CACHD1: variants seen among roughly 807,000 people sequenced by gnomAD.
CACHD1 encodes the protein cache domain containing 1.
A neutral mutation model predicts 138.7 loss-of-function variants in CACHD1; 71 were observed. The observed-to-expected ratio is 0.51, with a 90% CI of 0.42 to 0.62. The LOEUF is 0.62. CACHD1 is among the 20% of genes least tolerant of loss of function. CACHD1 has a pLI of 0.00. For synonymous variants in CACHD1, 578 were observed against 591.5 expected (o/e 0.98, Z 0.33); for missense variants, 1,389 against 1,625.3 (o/e 0.85, Z 2.50).
chr1:64,617,201 C>G (rs1647745481), intron 4 of CACHD1, among the ~76,000 whole-genome samples: 1 of 151,614 alleles, frequency 6.6e-6, no homozygotes, highest in Non-Finnish European at 1.5e-5. Flanking sequence ...AGCCGCCATG[C>G]AGACCTAGTG....
rs544487397 is a variant in CACHD1 at position 64,473,890 on chromosome 1, G to A, written c.198+2948G>A. Among the ~76,000 whole-genome samples the A allele has an allele frequency of 7.2e-5, 11 of 152,248 alleles. No individual in the cohort carries two copies. The East Asian group carries it at 1.4e-3, about 19-fold the overall frequency. On this transcript the variant is annotated intron_variant, in intron 1 of 26. Coordinates refer to ENST00000651257, the MANE Select transcript of CACHD1 (RefSeq NM_020925.4). ...ACTTACTGCTTATAAGGAGTTGCAAGGGGGTAATTTTACAAAAACAAAAAC... is the reference window on the plus strand; with the variant it reads ...ACTTACTGCTTATAAGGAGTTGCAAAGGGGTAATTTTACAAAAACAAAAAC...
chr1:64,502,930 C>T (rs1256351672), intron 1 of CACHD1, among the ~76,000 whole-genome samples: 1 of 152,160 alleles, frequency 6.6e-6, no homozygotes, highest in Non-Finnish European at 1.5e-5. Context: ...CATTGATCTC[C>T]CTGTATTCCC....
At chr1:64,575,016 T>G (rs1646955948) in intron 2 of CACHD1, among the ~76,000 whole-genome samples, 1 of 152,236 alleles carries the variant, frequency 6.6e-6, no homozygotes, top group Admixed American at 6.5e-5. Flanking sequence ...AGCTTTATCC[T>G]TTTACTTCTA....
At chr1:64,531,074 A>G (rs1214785032) in intron 1 of CACHD1, among the ~76,000 whole-genome samples, 1 of 152,170 alleles carries the variant, frequency 6.6e-6, no homozygotes, top group Non-Finnish European at 1.5e-5. Flanking sequence ...CCAGTTCTAT[A>G]ATACAGCACA....
intron 10 of CACHD1, among the ~76,000 whole-genome samples, chr1:64,652,777 A>G (rs947992623): frequency 3.9e-5 from 6 of 152,220 alleles, no homozygotes; most frequent in African/African-American, 1.4e-4. Context: ...AAAAGGGTAC[A>G]CTTGAATACT....
chr1:64,491,245 CCT>C (rs534816959), intron 1 of CACHD1, among the ~76,000 whole-genome samples: 5 of 149,748 alleles, frequency 3.3e-5, no homozygotes, highest in South Asian at 2.1e-4. Context: ...AGGACTGCTT[CCT>C]CTCTCTCTCT....
chr1:64,515,606 G>A (rs947346861), intron 1 of CACHD1, among the ~76,000 whole-genome samples: 1 of 152,182 alleles, frequency 6.6e-6, no homozygotes, highest in Admixed American at 6.5e-5. Context: ...TTATGCAACA[G>A]CTGTAGTTGT....
chr1:64,623,455 A>G (rs1344299456), intron 4 of CACHD1, among the ~76,000 whole-genome samples: 1 of 74,768 alleles, frequency 1.3e-5, no homozygotes, highest in Admixed American at 1.8e-4. Context: ...TAACACACAA[A>G]CATACAGATC....
At chr1:64,475,168 T>C (rs1180361885) in intron 1 of CACHD1, among the ~76,000 whole-genome samples, 1 of 124,198 alleles carries the variant, frequency 8.1e-6, no homozygotes, top group Non-Finnish European at 1.7e-5. Flanking sequence ...ACTAAATTCC[T>C]TCCTTTTTTT....
In CACHD1 at chr1:64,609,938, C is replaced by T. The variant is rs566052914; in HGVS notation, c.517+7026C>T. On this transcript the variant is annotated intron_variant, in intron 4 of 26. Coordinates refer to ENST00000651257, the MANE Select transcript of CACHD1 (RefSeq NM_020925.4). ...TTATAAAGGAAAGAGGTTTAATTGA[C>T]TCACAGTTCAGCATGGCTGGGGAGG... 1.4e-4 allele frequency among the ~76,000 whole-genome samples: 22 copies of T among 152,234 alleles called. No individual in the cohort carries two copies. The South Asian group carries it at 4.1e-3, about 29-fold the overall frequency.
Position 64,664,696 on chromosome 1 carries a change from T to TC in CACHD1, c.2276+19dup. ...GAGACAATGGTGAGTTTTAGGGGCT[T>TC]CCGTTATCAAAGGTTCTCCCCCAAA... is the stretch of plus-strand genomic sequence containing the variant. On this transcript the variant is annotated intron_variant, in intron 15 of 26. Transcript: ENST00000651257. 6.2e-7 allele frequency: 1 copy of TC among 1,609,162 alleles called. No homozygotes were observed. The highest frequency in any genetic ancestry group is 1.1e-5 in the South Asian group (1 of 90,426).
intron 1 of CACHD1, 134 bp downstream of exon 1, chr1:64,471,076 C>A (rs1412504373): frequency 3.6e-6 from 3 of 829,530 alleles, no homozygotes; most frequent in Non-Finnish European, 5.4e-6. Flanking sequence ...CCCGTCGGAC[C>A]CCTCTGTCCT....
At chr1:64,525,959 A>G (rs932959292) in intron 1 of CACHD1, among the ~76,000 whole-genome samples, 9 of 152,230 alleles carry the variant, frequency 5.9e-5, no homozygotes, top group African/African-American at 1.9e-4. Flanking sequence ...CAGATGATCC[A>G]GGACCTGGAA....
At chr1:64,552,045 A>G (rs1646763218) in intron 2 of CACHD1, among the ~76,000 whole-genome samples, 1 of 152,186 alleles carries the variant, frequency 6.6e-6, no homozygotes, top group South Asian at 2.1e-4. Context: ...ACCAGAGGCC[A>G]TTTGATAACA....
At chr1:64,476,352 G>A (rs1329584483) in intron 1 of CACHD1, among the ~76,000 whole-genome samples, 1 of 152,196 alleles carries the variant, frequency 6.6e-6, no homozygotes, top group Non-Finnish European at 1.5e-5. Flanking sequence ...ATAACTGCAA[G>A]CTGATTTGCA....
At chr1:64,502,769 A>G (rs1329526354) in intron 1 of CACHD1, among the ~76,000 whole-genome samples, 1 of 152,206 alleles carries the variant, frequency 6.6e-6, no homozygotes, top group African/African-American at 2.4e-5. Context: ...GAGTATGAAT[A>G]AAGTTAACTG....
chr1:64,605,462 A>T (rs189147611), intron 4 of CACHD1, among the ~76,000 whole-genome samples: 4 of 152,308 alleles, frequency 2.6e-5, no homozygotes, highest in East Asian at 1.9e-4. Context: ...GGGAAAAAAT[A>T]AAAAAAGAAG....
intron 26 of CACHD1, among the ~76,000 whole-genome samples, chr1:64,688,589 C>T (rs961595052): frequency 6.6e-6 from 1 of 152,154 alleles, no homozygotes; most frequent in African/African-American, 2.4e-5. Flanking sequence ...CTTGCCATCT[C>T]CTCGAGGCCC....
chr1:64,653,183 AACACATGG>A (rs1411878502), intron 10 of CACHD1, among the ~76,000 whole-genome samples: 1 of 152,114 alleles, frequency 6.6e-6, no homozygotes, highest in African/African-American at 2.4e-5. Context: ...AAATGATGAG[AACACATGG>A]ACACAAAGAG....
Sources: allele counts gnomAD v4.1 joint callset (sites outside exome capture counted in the v4.1 genomes callset), GRCh38; gene constraint gnomAD v4.1.1; transcripts MANE v1.5; gene names NCBI Gene and HGNC (gene_info 2026-07-23, HGNC 2026-07-21).